The following SYN3 variants were observed in gnomAD, a reference collection of about 807,000 sequenced individuals.
SYN3 encodes the protein synapsin III.
Under a neutral mutation model 65.8 loss-of-function variants are expected in SYN3, and 35 were observed. The observed-to-expected ratio is 0.53, with a 90% CI of 0.41 to 0.70. The LOEUF is 0.70. Ranked by LOEUF, SYN3 falls within the 30% of genes least tolerant of loss-of-function variation. The probability of loss-of-function intolerance (pLI) is 0.00; values close to 1 mark genes in which losing one functional copy is unlikely to be tolerated. For synonymous variants in SYN3, 270 were observed against 292.9 expected (o/e 0.92, Z 0.80); for missense variants, 680 against 749.0 (o/e 0.91, Z 1.08).
rs77097802 is a variant in SYN3 at position 32,829,663 on chromosome 22, C to T, written c.711+35252G>A. 4.8e-3 allele frequency among the ~76,000 whole-genome samples: 736 copies of T among 152,322 alleles called. 2 individuals are homozygous for T. The highest frequency in any genetic ancestry group is 8.1e-3 in the Non-Finnish European group (549 of 68,038). ...TGCTGGCCACTGGCTGTTCCCTCCT[C>T]CAGCCAGGACAATGCCGGTCCCCGG... On this transcript the variant is annotated intron_variant, in intron 6 of 13. Coordinates refer to ENST00000358763, the MANE Select transcript of SYN3 (RefSeq NM_003490.4).
At chr22:32,609,537 C>T (rs1031954430) in intron 6 of SYN3, among the ~76,000 whole-genome samples, 3 of 149,130 alleles carry the variant, frequency 2.0e-5, no homozygotes, top group African/African-American at 5.0e-5. Flanking sequence ...AGTACAGTGG[C>T]GTGGTCGTAG....
At chr22:32,877,312 C>G (rs540305530) in intron 4 of SYN3, among the ~76,000 whole-genome samples, 11 of 152,298 alleles carry the variant, frequency 7.2e-5, no homozygotes, top group African/African-American at 2.4e-4. Context: ...TCATTTAAAC[C>G]TAACAAGGAA....
chr22:32,748,792 GCCCCTGGTCTCTGC>G (rs1380385012), intron 6 of SYN3, among the ~76,000 whole-genome samples: 1 of 152,156 alleles, frequency 6.6e-6, no homozygotes, highest in East Asian at 1.9e-4. Flanking sequence ...AACATTAGAA[GCCCCTGGTCTCTGC>G]CCCAGGTATC....
At chr22:32,991,786 G>A (rs994387181) in intron 2 of SYN3, among the ~76,000 whole-genome samples, 1 of 152,140 alleles carries the variant, frequency 6.6e-6, no homozygotes, top group African/African-American at 2.4e-5. Flanking sequence ...CCACACTCCT[G>A]TCCCTTCTGC....
chr22:32,555,909 G>A (rs2058488446), intron 7 of SYN3, among the ~76,000 whole-genome samples: 1 of 152,178 alleles, frequency 6.6e-6, no homozygotes, highest in Non-Finnish European at 1.5e-5. Flanking sequence ...CAGCCTGCAT[G>A]TCCCAGACTC....
rs1015751759 is a variant in SYN3 at position 32,837,762 on chromosome 22, G to A, written c.711+27153C>T. Among the ~76,000 whole-genome samples the A allele has an allele frequency of 3.9e-5, 6 of 152,218 alleles. No individual in the cohort carries two copies. The highest frequency in any genetic ancestry group is 1.3e-4 in the Admixed American group (2 of 15,288). ...ATAAGTCTTTATCACTAGCCTCAGG[G>A]AGTAGAAGCCCACCTAAGAAATGGC... is the stretch of plus-strand genomic sequence containing the variant. On this transcript the variant is annotated intron_variant, in intron 6 of 13. Coordinates refer to ENST00000358763, the MANE Select transcript of SYN3 (RefSeq NM_003490.4). This position sits in a 1 kb window ranked among gnomAD's most constrained non-coding sequence, Gnocchi z 4.1.
intron 2 of SYN3, among the ~76,000 whole-genome samples, chr22:33,003,147 A>G (rs989113947): frequency 6.6e-6 from 1 of 152,196 alleles, no homozygotes; most frequent in Admixed American, 6.5e-5. Flanking sequence ...TTCCTTTATA[A>G]ATTACCCAGT....
In SYN3 at chr22:32,869,085, C is replaced by T. The variant is rs756763910; in HGVS notation, c.502G>A (p.Ala168Thr). The change falls in exon 5 of 14, where the codon GCC (alanine) becomes ACC (threonine). Residue 168 changes from alanine (A) to threonine (T), a missense_variant. Coordinates refer to ENST00000358763, the MANE Select transcript of SYN3 (RefSeq NM_003490.4). Reference protein sequence around the residue: ...KPDFILVRQHAYSMALGEDYR... With the variant: ...KPDFILVRQHTYSMALGEDYR... ...TCTTCCCCCAGGGCCATGCTGTAGG[C>T]ATGCTGGCGGACCAGGATGAAGTCT... 1 of 1,613,988 alleles carries T rather than the reference C, an allele frequency of 6.2e-7. No homozygotes were observed. The highest frequency in any genetic ancestry group is 1.1e-5 in the South Asian group (1 of 91,068).
intron 6 of SYN3, among the ~76,000 whole-genome samples, chr22:32,824,507 G>A (rs2146084807): frequency 6.6e-6 from 1 of 152,138 alleles, no homozygotes; most frequent in East Asian, 1.9e-4. Context: ...GGAGCTCACT[G>A]AAGAATCAGG....
intron 7 of SYN3, among the ~76,000 whole-genome samples, chr22:32,563,096 C>A (rs2058610459): frequency 6.6e-6 from 1 of 152,242 alleles, no homozygotes; most frequent in South Asian, 2.1e-4. Flanking sequence ...TTCTGACTCA[C>A]CGATTGCCAT....
At chr22:33,054,005 C>T (rs147421294) in intron 1 of SYN3, among the ~76,000 whole-genome samples, 1 of 152,242 alleles carries the variant, frequency 6.6e-6, no homozygotes, top group East Asian at 1.9e-4. Flanking sequence ...CTCACAGGAA[C>T]GAACTGATTT....
At chr22:32,763,713 T>C (rs998446537) in intron 6 of SYN3, among the ~76,000 whole-genome samples, 1 of 152,146 alleles carries the variant, frequency 6.6e-6, no homozygotes, top group African/African-American at 2.4e-5. Flanking sequence ...GATTCTGCCT[T>C]AGTAGGAAAC....
intron 3 of SYN3, among the ~76,000 whole-genome samples, chr22:32,961,235 T>C (rs535352607): frequency 1.3e-5 from 2 of 152,224 alleles, no homozygotes; most frequent in Admixed American, 6.5e-5. Context: ...GTTGGGGGGA[T>C]TGGGGCAAAA....
chr22:32,711,945 C>G (rs924536866), intron 6 of SYN3, among the ~76,000 whole-genome samples: 1 of 152,194 alleles, frequency 6.6e-6, no homozygotes, highest in Admixed American at 6.5e-5. Context: ...TTTTCTTAAC[C>G]TCAGTTTGAC....
intron 4 of SYN3, among the ~76,000 whole-genome samples, chr22:32,886,444 T>C (rs1037363261): frequency 1.3e-5 from 2 of 152,196 alleles, no homozygotes; most frequent in Non-Finnish European, 2.9e-5. Flanking sequence ...GCTGTGCGAC[T>C]CTGGACACGT....
intron 1 of SYN3, among the ~76,000 whole-genome samples, chr22:33,027,394 T>A (rs554617935): frequency 3.3e-5 from 5 of 152,072 alleles, no homozygotes; most frequent in African/African-American, 1.2e-4. Flanking sequence ...GTCAAGAGTT[T>A]GAGACCAGCC....
At chr22:32,670,247 C>T (rs5998572) in intron 6 of SYN3, among the ~76,000 whole-genome samples, 37 of 152,250 alleles carry the variant, frequency 2.4e-4, no homozygotes, top group African/African-American at 8.4e-4. Flanking sequence ...GAAATTAGAA[C>T]TAGATATATC....
At chr22:32,833,273 G>T (rs1411190881) in intron 6 of SYN3, among the ~76,000 whole-genome samples, 1 of 152,178 alleles carries the variant, frequency 6.6e-6, no homozygotes, top group East Asian at 1.9e-4. Flanking sequence ...GTCATAAGCA[G>T]GGAGAGACCA....
At chr22:32,840,538 G>C (rs1382122129) in intron 6 of SYN3, among the ~76,000 whole-genome samples, 1 of 151,990 alleles carries the variant, frequency 6.6e-6, no homozygotes, top group East Asian at 1.9e-4. Context: ...TGCAGTGGGA[G>C]GGGGGTCATC....
Sources: gnomAD v4.1 joint callset for allele counts (sites outside exome capture counted in the v4.1 genomes callset) on GRCh38, gnomAD v4.1.1 for gene constraint, Gnocchi (gnomAD v3.1) non-coding constraint, MANE v1.5 for transcripts, NCBI Gene and HGNC (gene_info 2026-07-23, HGNC 2026-07-21) for gene names.